RYR3: variants seen among roughly 807,000 people sequenced by gnomAD.
The protein encoded by RYR3 is brain ryanodine receptor-calcium release channel.
A neutral mutation model predicts 584.3 loss-of-function variants in RYR3; 207 were observed. That is an observed-to-expected ratio of 0.35 (90% CI 0.32 to 0.40). The LOEUF (loss-of-function observed/expected upper bound fraction) is 0.40. Ranked by LOEUF, RYR3 falls within the 10% of genes least tolerant of loss-of-function variation. The pLI is 1.00. For synonymous variants in RYR3, 2,416 were observed against 2,248.5 expected (o/e 1.07, Z -2.11); for missense variants, 5,616 against 6,089.2 (o/e 0.92, Z 2.59).
At position 33,834,327 on chromosome 15, in the gene RYR3, G is replaced by GCACAC. The variant is rs1567276035; in HGVS notation, c.11464-641_11464-640insCACAC. On this transcript the variant is annotated intron_variant, in intron 86 of 103. Coordinates refer to ENST00000634891, the MANE Select transcript of RYR3 (RefSeq NM_001036.6). ...ACACACACACACACACACACACAGT[G>GCACAC]AGATTAACATGGAAAATGCAAACTA... Among the ~76,000 whole-genome samples the GCACAC allele has an allele frequency of 5.9e-3, 659 of 112,646 alleles. 3 individuals are homozygous for GCACAC. Among genetic ancestry groups the GCACAC allele is most frequent in the African/African-American group, 6.8e-3 (220 of 32,248 alleles). The allele number at this position is 112,646 out of a possible 152,430, so 73.9% of individuals were successfully genotyped here.
At chr15:33,419,757 A>G (rs2442463) in intron 1 of RYR3, among the ~76,000 whole-genome samples, 59,402 of 151,970 alleles carry the variant, frequency 0.39, 13,270 homozygotes, top group African/African-American at 0.61. Context: ...ACCAACTTGA[A>G]TTTGTGCCCA....
intron 1 of RYR3, chr15:33,473,208 C>T: frequency 4.3e-6 from 3 of 695,912 alleles, no homozygotes; most frequent in Non-Finnish European, 5.2e-6. Flanking sequence ...TGACCTCACT[C>T]CAGGATTAAG....
At chr15:33,472,454 A>G (rs751720405) in intron 1 of RYR3, among the ~76,000 whole-genome samples, 2 of 152,196 alleles carry the variant, frequency 1.3e-5, no homozygotes, top group Non-Finnish European at 2.9e-5. Flanking sequence ...AGATGGGGCA[A>G]TGGATGGCCA....
intron 60 of RYR3, among the ~76,000 whole-genome samples, chr15:33,768,034 A>G (rs1769112022): frequency 1.3e-5 from 2 of 152,248 alleles, no homozygotes; most frequent in Admixed American, 1.3e-4. Flanking sequence ...AAAAAACACA[A>G]AAATATACAA....
intron 43 of RYR3, among the ~76,000 whole-genome samples, chr15:33,714,247 G>C (rs1036483299): frequency 1.3e-4 from 20 of 152,010 alleles, no homozygotes; most frequent in African/African-American, 4.8e-4. Flanking sequence ...TCACTGTTTG[G>C]TGCTAATTTT....
At chr15:33,585,565 C>T (rs572212093) in intron 15 of RYR3, among the ~76,000 whole-genome samples, 67 of 152,246 alleles carry the variant, frequency 4.4e-4, no homozygotes, top group African/African-American at 1.4e-3. Context: ...TAGAAAAATT[C>T]TTATTTGGGA....
intron 2 of RYR3, among the ~76,000 whole-genome samples, chr15:33,501,608 C>T (rs867915093): frequency 6.6e-6 from 1 of 152,132 alleles, no homozygotes; most frequent in Admixed American, 6.5e-5. Context: ...TTTTATGCTT[C>T]CTGTTCTGGG....
intron 18 of RYR3, among the ~76,000 whole-genome samples, chr15:33,607,937 C>G (rs760626594): frequency 3.9e-5 from 6 of 152,114 alleles, no homozygotes; most frequent in Non-Finnish European, 8.8e-5. Flanking sequence ...TCCTGTTTGA[C>G]AGATTAGGTA....
rs370262332 is a variant in RYR3 at position 33,387,148 on chromosome 15, C to T, written c.51+76052C>T. Reference sequence around the variant, plus strand: ...CTGGGATTACAGTCGTGAGACACCACGCCCAGCAATATTTTTTCCTTTTTA... The same window carrying T: ...CTGGGATTACAGTCGTGAGACACCATGCCCAGCAATATTTTTTCCTTTTTA... On this transcript the variant is annotated intron_variant, in intron 1 of 103. Transcript: ENST00000634891. 1.6e-4 allele frequency among the ~76,000 whole-genome samples: 24 copies of T among 152,304 alleles called. No individual in the cohort carries two copies. The South Asian group carries it at 1.7e-3, about 11-fold the overall frequency.
At chr15:33,344,942 C>A (rs1274339705) in intron 1 of RYR3, among the ~76,000 whole-genome samples, 3 of 152,128 alleles carry the variant, frequency 2.0e-5, no homozygotes, top group Non-Finnish European at 4.4e-5. Context: ...TTGCTGAAAT[C>A]CACTTTCCCA....
intron 18 of RYR3, among the ~76,000 whole-genome samples, chr15:33,608,935 G>C (rs1366422451): frequency 6.6e-6 from 1 of 152,228 alleles, no homozygotes; most frequent in Admixed American, 6.5e-5. Context: ...GCATATGGCA[G>C]CTATGGCTAA....
intron 1 of RYR3, among the ~76,000 whole-genome samples, chr15:33,360,746 G>A (rs1974644989): frequency 6.6e-6 from 1 of 152,222 alleles, no homozygotes; most frequent in Non-Finnish European, 1.5e-5. Flanking sequence ...GTTGGAGTGG[G>A]GTTTGCACCT....
In RYR3 at chr15:33,812,989, G is replaced by C; in HGVS notation, c.10384G>C (p.Glu3462Gln). 6.2e-7 allele frequency: 1 copy of C among 1,613,938 alleles called. No individual in the cohort carries two copies. The highest frequency in any genetic ancestry group is 8.5e-7 in the Non-Finnish European group (1 of 1,179,872). The change falls in exon 73 of 104, where the codon GAA becomes CAA. Residue 3462 changes from glutamate (E) to glutamine (Q), a missense_variant. By Grantham distance (29) the Glu-to-Gln change is conservative (BLOSUM62 2). Around this residue, in one of 9 missense-constraint regions of RYR3, gnomAD observed 954 missense variants for 1,132.2 expected, o/e 0.84. Transcript: ENST00000634891. ...AATTTCAGCAGCTGTCTTCCACCTG[G>C]AACAGGTAAGGAGCATCTGCCCTGA... Reference protein sequence around the residue: ...QRISAAVFHLEQVEQPLRSKK... With the variant: ...QRISAAVFHLQQVEQPLRSKK...
chr15:33,807,053 A>G (rs1160204653), intron 69 of RYR3, among the ~76,000 whole-genome samples: 1 of 151,870 alleles, frequency 6.6e-6, no homozygotes, highest in East Asian at 1.9e-4. Flanking sequence ...GGCCTACGCT[A>G]CCTTCTTTTA....
At chr15:33,634,376 G>A (rs1425227580) in intron 24 of RYR3, among the ~76,000 whole-genome samples, 1 of 152,144 alleles carries the variant, frequency 6.6e-6, no homozygotes, top group African/African-American at 2.4e-5. Flanking sequence ...TGCTAGCTTT[G>A]AGCATTAGTA....
chr15:33,837,095 A>T (rs2152979190), intron 88 of RYR3, 108 bp downstream of exon 88: 1 of 923,882 alleles, frequency 1.1e-6, no homozygotes, highest in Non-Finnish European at 1.6e-6. Flanking sequence ...ATGCCATATG[A>T]CATTGGTCAG....
intron 1 of RYR3, among the ~76,000 whole-genome samples, chr15:33,343,141 G>C (rs1306249484): frequency 2.0e-5 from 3 of 152,160 alleles, no homozygotes; most frequent in Non-Finnish European, 4.4e-5. Context: ...CAAGTGCACA[G>C]AACTCTCTCT....
At chr15:33,550,111 G>T (rs759353364) in intron 9 of RYR3, 49 bp from the exon 10 acceptor site, 139 of 1,584,092 alleles carry the variant, frequency 8.8e-5, no homozygotes, top group Non-Finnish European at 1.1e-4. Flanking sequence ...ATACTGAAAA[G>T]GACTTATTTT....
intron 3 of RYR3, among the ~76,000 whole-genome samples, chr15:33,525,444 C>T (rs973440760): frequency 9.9e-5 from 15 of 152,138 alleles, no homozygotes; most frequent in East Asian, 3.8e-4. Context: ...TGCAAAATAT[C>T]GCACTAGAAT....
Sources: gnomAD v4.1 joint callset for allele counts (sites outside exome capture counted in the v4.1 genomes callset) on GRCh38, gnomAD v4.1.1 for gene constraint, gnomAD v4.1.1 regional missense constraint, MANE v1.5 for transcripts, NCBI Gene and HGNC (gene_info 2026-07-23, HGNC 2026-07-21) for gene names.